The following GRIK4 variants were observed in gnomAD, a reference collection of about 807,000 sequenced individuals.
GRIK4 encodes the protein glutamate ionotropic receptor kainate type subunit 4.
A neutral mutation model predicts 104.9 loss-of-function variants in GRIK4; 40 were observed. That is an observed-to-expected ratio of 0.38 (90% CI 0.30 to 0.50). The LOEUF (loss-of-function observed/expected upper bound fraction) is 0.50. Among genes scored for constraint, GRIK4 ranks in the 20% least tolerant of loss-of-function variants. GRIK4 has a pLI of 0.93. For missense variants in GRIK4, 1,047 were observed against 1,308.1 expected, an observed-to-expected ratio of 0.80 and a Z score of 3.08; for synonymous variants, 485 against 524.9, an observed-to-expected ratio of 0.92 and a Z score of 1.04.
chr11:120,944,045 T>C (rs1244659662), intron 14 of GRIK4, among the ~76,000 whole-genome samples: 1 of 152,188 alleles, frequency 6.6e-6, no homozygotes, highest in Non-Finnish European at 1.5e-5. Flanking sequence ...AATGTTTTGC[T>C]CTTTTTACCA....
chr11:120,696,469 T>C (rs1196589846), intron 3 of GRIK4, among the ~76,000 whole-genome samples: 2 of 113,452 alleles, frequency 1.8e-5, no homozygotes, highest in Non-Finnish European at 3.4e-5. Context: ...TGGTTCTAGA[T>C]AGAGGTGTCA....
At chr11:120,586,952 G>T (rs898459207) in intron 1 of GRIK4, among the ~76,000 whole-genome samples, 1 of 152,190 alleles carries the variant, frequency 6.6e-6, no homozygotes, top group South Asian at 2.1e-4. Flanking sequence ...GGCCTAATCA[G>T]ACCCTGTCAG....
chr11:120,677,254 T>A (rs1205281465), intron 3 of GRIK4, among the ~76,000 whole-genome samples: 1 of 152,180 alleles, frequency 6.6e-6, no homozygotes, highest in Non-Finnish European at 1.5e-5. Flanking sequence ...GAGCTGAGTG[T>A]GATCTGAGCC....
Position 120,627,623 on chromosome 11 carries a change from T to A in GRIK4, c.-158-26062T>A, listed in dbSNP as rs139561192. Among the ~76,000 whole-genome samples the A allele has an allele frequency of 6.0e-3, 919 of 152,296 alleles. 10 individuals are homozygous for A. The highest frequency in any genetic ancestry group is 0.021 in the African/African-American group (862 of 41,568). ...CTGGGGCCCAGGAGGCAGGCCCTGCTGGGGCAAAACTGTCAACATGGCTGC... is the reference window on the plus strand; with the variant it reads ...CTGGGGCCCAGGAGGCAGGCCCTGCAGGGGCAAAACTGTCAACATGGCTGC... On this transcript the variant is annotated intron_variant, in intron 1 of 20. Transcript: ENST00000527524.
chr11:120,572,214 T>G (rs1948409567), intron 1 of GRIK4, among the ~76,000 whole-genome samples: 2 of 152,112 alleles, frequency 1.3e-5, no homozygotes, highest in African/African-American at 4.8e-5. Context: ...GGCTCCACCC[T>G]CCTGATCTAG....
chr11:120,655,968 G>C (rs575013650), intron 2 of GRIK4, among the ~76,000 whole-genome samples: 1 of 152,284 alleles, frequency 6.6e-6, no homozygotes, highest in African/African-American at 2.4e-5. Flanking sequence ...TTGAGCTGTA[G>C]ATGTCAATGC....
At chr11:120,640,877 T>A (rs1375824484) in intron 1 of GRIK4, among the ~76,000 whole-genome samples, 2 of 152,112 alleles carry the variant, frequency 1.3e-5, no homozygotes, top group Admixed American at 1.3e-4. Context: ...CCCAGCTAAG[T>A]TTTTTTGTAT....
intron 1 of GRIK4, among the ~76,000 whole-genome samples, chr11:120,593,655 C>T (rs1426052321): frequency 6.6e-6 from 1 of 152,206 alleles, no homozygotes; most frequent in Non-Finnish European, 1.5e-5. Context: ...TCAATACCAT[C>T]TATACAGTGA....
chr11:120,701,112 T>A (rs1950545339), intron 3 of GRIK4, among the ~76,000 whole-genome samples: 1 of 152,196 alleles, frequency 6.6e-6, no homozygotes, highest in Non-Finnish European at 1.5e-5. Context: ...AATGACTAAA[T>A]CACCAAACAA....
chr11:120,639,982 C>A (rs1949450362), intron 1 of GRIK4, among the ~76,000 whole-genome samples: 5 of 152,140 alleles, frequency 3.3e-5, no homozygotes, highest in Admixed American at 2.6e-4. Context: ...CAGGAAAGAT[C>A]CCTGTCTCCT....
intron 3 of GRIK4, among the ~76,000 whole-genome samples, chr11:120,661,818 TGCTC>T (rs1270709098): frequency 6.6e-6 from 1 of 151,930 alleles, no homozygotes; most frequent in African/African-American, 2.4e-5. Context: ...CTCGACACAC[TGCTC>T]TGCATGCTTA....
intron 8 of GRIK4, among the ~76,000 whole-genome samples, chr11:120,839,402 A>T (rs1953660434): frequency 6.6e-6 from 1 of 152,204 alleles, no homozygotes; most frequent in Non-Finnish European, 1.5e-5. Context: ...GATCCTGTGC[A>T]GTTTACTTAA....
intron 3 of GRIK4, among the ~76,000 whole-genome samples, chr11:120,661,033 T>C (rs927221744): frequency 6.6e-5 from 10 of 152,048 alleles, no homozygotes; most frequent in Admixed American, 5.9e-4. Flanking sequence ...GGAAGTCAGG[T>C]GCCTCCTCCC....
At chr11:120,611,807 T>A (rs1233261225) in intron 1 of GRIK4, among the ~76,000 whole-genome samples, 1 of 152,186 alleles carries the variant, frequency 6.6e-6, no homozygotes, top group Non-Finnish European at 1.5e-5. Flanking sequence ...TCCTGAAATG[T>A]TCATTGGACG....
At chr11:120,840,620 G>A (rs563360806) in intron 8 of GRIK4, among the ~76,000 whole-genome samples, 1 of 152,230 alleles carries the variant, frequency 6.6e-6, no homozygotes, top group Admixed American at 6.5e-5. Context: ...ACTGAGGCAG[G>A]GGGTCAAAAG....
At chr11:120,824,548 C>CTCTTTTTT (rs1391390503) in intron 6 of GRIK4, among the ~76,000 whole-genome samples, 2 of 131,174 alleles carry the variant, frequency 1.5e-5, no homozygotes. Context: ...TTTTTTTTTT[C>CTCTTTTTT]TTTTCTTTTT....
rs776198775 is a variant in GRIK4, at chr11:120,819,735, G to A, written c.346-20G>A. 6.0e-5 allele frequency: 97 copies of A among 1,613,250 alleles called. No homozygotes were observed. The highest frequency in any genetic ancestry group is 7.7e-5 in the Non-Finnish European group (91 of 1,179,374). On this transcript the variant is annotated intron_variant, in intron 5 of 20. Transcript: ENST00000527524. The surrounding 1 kb of genome is among the most constrained non-coding windows in gnomAD (Gnocchi z 4.3). ...CCCACCTGGATCCTCCCTGCTGTCC[G>A]TTTTTGCTCCTCTTGCCAGGTCCCT...
intron 3 of GRIK4, among the ~76,000 whole-genome samples, chr11:120,767,934 G>A (rs546134604): frequency 2.3e-4 from 35 of 151,572 alleles, no homozygotes; most frequent in Non-Finnish European, 3.8e-4. Context: ...GTACCATACT[G>A]TTTTGATTAC....
rs148611041 is a variant in GRIK4 at position 120,952,076 on chromosome 11, C to T, written c.1591-779C>T. Among the ~76,000 whole-genome samples the T allele has an allele frequency of 5.9e-3, 903 of 152,218 alleles. 10 individuals carry two copies. The highest frequency in any genetic ancestry group is 0.018 in the African/African-American group (763 of 41,506). On this transcript the variant is annotated intron_variant, in intron 14 of 20. Coordinates refer to ENST00000527524, the MANE Select transcript of GRIK4 (RefSeq NM_014619.5). The surrounding 1 kb of genome is among the most constrained non-coding windows in gnomAD (Gnocchi z 5.2). The stretch of plus-strand genomic sequence containing the variant: ...TCCTTCTCATTCCATTTTGTTTTCC[C>T]GTGAAGAATGGCGGGGAGCTTGGTG...
Sources: gnomAD v4.1 joint callset for allele counts (sites outside exome capture counted in the v4.1 genomes callset) on GRCh38, gnomAD v4.1.1 for gene constraint, Gnocchi (gnomAD v3.1) non-coding constraint, MANE v1.5 for transcripts, NCBI Gene and HGNC (gene_info 2026-07-23, HGNC 2026-07-21) for gene names.